The following WIF1 variants were observed in gnomAD, a reference collection of about 807,000 sequenced individuals.
The protein encoded by WIF1 is Wnt inhibitory factor 1.
A neutral mutation model predicts 53.5 loss-of-function variants in WIF1; 35 were observed. That is an observed-to-expected ratio of 0.65 (90% confidence interval 0.50 to 0.87). The LOEUF is 0.87. Ranked by LOEUF, WIF1 falls within the 40% of genes least tolerant of loss-of-function variation. The pLI is 0.00. For synonymous variants in WIF1, 171 were observed against 170.4 expected, an observed-to-expected ratio of 1.00 and a Z score of -0.03; for missense variants, 467 against 476.8, an observed-to-expected ratio of 0.98 and a Z score of 0.19.
Position 65,121,201 on chromosome 12 carries a change from G to C in WIF1, c.-10C>G. On this transcript the variant is annotated 5_prime_UTR_variant, in exon 1 of 10. Coordinates refer to ENST00000286574, the MANE Select transcript of WIF1 (RefSeq NM_007191.5). Reference sequence around the variant, plus strand: ...CGCTCCTCCGGGCCATGCTGCTCAGGACCTCCTCGCTGCCGGGAAAACTCC... The same window carrying C: ...CGCTCCTCCGGGCCATGCTGCTCAGCACCTCCTCGCTGCCGGGAAAACTCC... 6.7e-7 allele frequency: 1 copy of C among 1,485,070 alleles called. No homozygotes were observed. The highest frequency in any genetic ancestry group is 9.0e-7 in the Non-Finnish European group (1 of 1,113,000). 92.0% of individuals were successfully genotyped at this position (1,485,070 alleles called of 1,614,324 possible). A position where few individuals can be genotyped will look rare whatever the true frequency, so the allele number is the denominator to read the frequency against.
intron 7 of WIF1, among the ~76,000 whole-genome samples, chr12:65,060,284 G>A (rs530655699): frequency 9.3e-4 from 142 of 152,302 alleles, no homozygotes; most frequent in Non-Finnish European, 1.8e-3. Context: ...CCCCAAAGTG[G>A]AAACAACCCA....
At chr12:65,070,169 G>A (rs544308105) in intron 3 of WIF1, among the ~76,000 whole-genome samples, 10 of 152,172 alleles carry the variant, frequency 6.6e-5, no homozygotes, top group African/African-American at 2.2e-4. Context: ...TGTGCTTTTG[G>A]CAACCCAAAA....
rs1278588763 is a variant in WIF1 at position 65,056,293 on chromosome 12, G to A, written c.827-167C>T. Among the ~76,000 whole-genome samples, 3 of 144,086 alleles carry A rather than the reference G, an allele frequency of 2.1e-5. No homozygotes were observed. The East Asian group carries it at 6.1e-4, about 29-fold the overall frequency. 94.5% of individuals were successfully genotyped at this position (144,086 alleles called of 152,430 possible). On this transcript the variant is annotated intron_variant, in intron 7 of 9. Transcript: ENST00000286574. ...TTTTTTTTTTTGAGTTTTGTTTTTG[G>A]AACAGACAGGATAATATTTTTAACT...
chr12:65,051,271 T>C lies in WIF1; in HGVS notation c.*78A>G. On this transcript the variant is annotated 3_prime_UTR_variant, in exon 10 of 10. Transcript: ENST00000286574. ...CAGTATTCTTAAGTGTAATGAACAT[T>C]ATTTGAACATTCAACACATGAAAGG... 1 of 1,517,218 alleles carries C rather than the reference T, an allele frequency of 6.6e-7. No homozygotes were observed. Among genetic ancestry groups the C allele is most frequent in the Non-Finnish European group, 8.9e-7 (1 of 1,128,710 alleles). 94.0% of individuals were successfully genotyped at this position (1,517,218 alleles called of 1,614,324 possible). A position where few individuals can be genotyped will look rare whatever the true frequency, so the allele number is the denominator to read the frequency against.
Position 65,052,340 on chromosome 12 carries a change from G to C in WIF1, c.1019-870C>G, listed in dbSNP as rs149974913. 3.5e-3 allele frequency among the ~76,000 whole-genome samples: 539 copies of C among 152,318 alleles called. 2 individuals are homozygous for C. The highest frequency in any genetic ancestry group is 0.012 in the African/African-American group (508 of 41,560). The stretch of plus-strand genomic sequence containing the variant: ...TGTTCCTTTGAATTGTCAGTATGTA[G>C]TCTAGTAGCTTGTGGAGTGGTCAAA... On this transcript the variant is annotated intron_variant, in intron 9 of 9. Coordinates refer to ENST00000286574, the MANE Select transcript of WIF1 (RefSeq NM_007191.5).
intron 2 of WIF1, among the ~76,000 whole-genome samples, chr12:65,103,425 C>A (rs1883309445): frequency 6.6e-6 from 1 of 152,186 alleles, no homozygotes; most frequent in South Asian, 2.1e-4. Flanking sequence ...TTACACTTTG[C>A]CTCTCAGTTT....
intron 2 of WIF1, among the ~76,000 whole-genome samples, chr12:65,113,786 C>A (rs1055118330): frequency 9.2e-5 from 14 of 152,076 alleles, no homozygotes; most frequent in African/African-American, 3.4e-4. Flanking sequence ...AGAATCTAAA[C>A]GTTAAAGGTT....
chr12:65,068,840 C>G lies in WIF1; in HGVS notation c.462G>C (p.Val154=), dbSNP rs764283520. 1.2e-6 allele frequency: 2 copies of G among 1,613,706 alleles called. No individual in the cohort carries two copies. Among genetic ancestry groups the G allele is most frequent in the Admixed American group, 1.7e-5 (1 of 59,962 alleles). The change falls in exon 4 of 10, where the codon GTG becomes GTC. Residue 154 remains valine, a synonymous_variant. Coordinates refer to ENST00000286574, the MANE Select transcript of WIF1 (RefSeq NM_007191.5). ...TGTTGCCTTCAGAATTCATAACAAT[C>G]ACATCCACTTCAAATGCTGCCACCC... is the stretch of plus-strand genomic sequence containing the variant. The part of the protein sequence containing the change: ...QDGVAAFEVD[V]IVMNSEGNTI...
intron 6 of WIF1, among the ~76,000 whole-genome samples, chr12:65,063,315 C>T (rs997412985): frequency 6.6e-6 from 1 of 151,980 alleles, no homozygotes; most frequent in Admixed American, 6.6e-5. Flanking sequence ...CTCACTAGCA[C>T]CTAAAATAGA....
At chr12:65,087,224 C>T (rs1028473655) in intron 2 of WIF1, among the ~76,000 whole-genome samples, 1 of 152,104 alleles carries the variant, frequency 6.6e-6, no homozygotes, top group Admixed American at 6.6e-5. Flanking sequence ...TGTTCTTCAT[C>T]AATATCTAAT....
chr12:65,119,779 A>C (rs1035792255), intron 2 of WIF1, among the ~76,000 whole-genome samples: 2 of 152,228 alleles, frequency 1.3e-5, no homozygotes, highest in Non-Finnish European at 2.9e-5. Flanking sequence ...TAACATATAA[A>C]AGATGCTAAT....
chr12:65,096,701 T>A (rs1014112756), intron 2 of WIF1, among the ~76,000 whole-genome samples: 1 of 152,104 alleles, frequency 6.6e-6, no homozygotes, highest in Non-Finnish European at 1.5e-5. Context: ...AAGAATGAGA[T>A]CATGTCCTTT....
intron 3 of WIF1, among the ~76,000 whole-genome samples, chr12:65,075,931 C>T (rs536871043): frequency 1.3e-5 from 2 of 152,268 alleles, no homozygotes; most frequent in African/African-American, 4.8e-5. Context: ...GCATGGTACA[C>T]ATTTTTCATG....
intron 2 of WIF1, among the ~76,000 whole-genome samples, chr12:65,081,044 G>A (rs1882940920): frequency 6.6e-6 from 1 of 151,646 alleles, no homozygotes; most frequent in Non-Finnish European, 1.5e-5. Context: ...AATTGATGGT[G>A]ATTTTTTTTC....
At chr12:65,112,145 T>C (rs1034355222) in intron 2 of WIF1, among the ~76,000 whole-genome samples, 1 of 152,182 alleles carries the variant, frequency 6.6e-6, no homozygotes, top group African/African-American at 2.4e-5. Context: ...TTTCCAGTGT[T>C]CAGCTTCTCA....
Position 65,056,016 on chromosome 12 carries a change from G to A in WIF1, c.922+15C>T. 1 of 1,611,948 alleles carries A rather than the reference G, an allele frequency of 6.2e-7. No individual in the cohort carries two copies. Among genetic ancestry groups the A allele is most frequent in the Non-Finnish European group, 8.5e-7 (1 of 1,178,558 alleles). ...ACCTAGTAGCCCAGATTGGCAATGT[G>A]TATGGGGTACTTACGCTTTGAACAG... On this transcript the variant is annotated intron_variant, in intron 8 of 9. Transcript: ENST00000286574.
chr12:65,062,430 G>C, intron 7 of WIF1, 51 bp downstream of exon 7: 1 of 1,483,088 alleles, frequency 6.7e-7, no homozygotes. Flanking sequence ...GGGTTATATG[G>C]GGTTTCTAAG....
At chr12:65,092,227 T>C (rs1364132735) in intron 2 of WIF1, among the ~76,000 whole-genome samples, 1 of 150,802 alleles carries the variant, frequency 6.6e-6, no homozygotes, top group Admixed American at 6.6e-5. Context: ...TAAGTGGGAG[T>C]TGAACAGCAA....
chr12:65,099,460 A>G (rs1197947725), intron 2 of WIF1, among the ~76,000 whole-genome samples: 1 of 152,230 alleles, frequency 6.6e-6, no homozygotes, highest in African/African-American at 2.4e-5. Flanking sequence ...CCAGCAGTCT[A>G]TAAACAATAA....
Sources: gnomAD v4.1 joint callset for allele counts (sites outside exome capture counted in the v4.1 genomes callset) on GRCh38, gnomAD v4.1.1 for gene constraint, MANE v1.5 for transcripts, NCBI Gene and HGNC (gene_info 2026-07-23, HGNC 2026-07-21) for gene names.